Variants in CNTNAP5 observed in about 807,000 individuals in gnomAD.
CNTNAP5 encodes the protein contactin-associated protein-like 5.
A neutral mutation model predicts 150.2 loss-of-function variants in CNTNAP5; 72 were observed. The ratio of observed to expected loss-of-function variants is 0.48; its 90% CI spans 0.40 to 0.58. CNTNAP5 has a LOEUF of 0.58. CNTNAP5 is among the 20% of genes least tolerant of loss of function. CNTNAP5 has a pLI of 0.00. For synonymous variants in CNTNAP5, 672 were observed against 619.8 expected (o/e 1.08, Z -1.25); for missense variants, 1,636 against 1,626.2 (o/e 1.01, Z -0.10).
intron 8 of CNTNAP5, among the ~76,000 whole-genome samples, chr2:124,515,873 T>C (rs1042062232): frequency 7.9e-5 from 12 of 152,176 alleles, no homozygotes; most frequent in African/African-American, 2.9e-4. Flanking sequence ...GAGTAGATTG[T>C]CCAACTAAGC....
chr2:124,767,894 G>T (rs191960592), intron 16 of CNTNAP5, among the ~76,000 whole-genome samples: 3 of 152,316 alleles, frequency 2.0e-5, no homozygotes, highest in Non-Finnish European at 4.4e-5. Flanking sequence ...TCATGGTGGA[G>T]CTGCATCCCA....
intron 13 of CNTNAP5, among the ~76,000 whole-genome samples, chr2:124,708,696 T>C (rs990717989): frequency 4.6e-5 from 7 of 152,176 alleles, no homozygotes; most frequent in Non-Finnish European, 1.0e-4. Flanking sequence ...TCCTTGCTAC[T>C]ACCTTTATCC....
At chr2:124,066,171 G>C (rs951179967) in intron 1 of CNTNAP5, among the ~76,000 whole-genome samples, 2 of 151,666 alleles carry the variant, frequency 1.3e-5, no homozygotes, top group Non-Finnish European at 2.9e-5. Context: ...TGGGTAGGGT[G>C]CCACCTGAGA....
At chr2:124,116,742 G>C (rs1167590458) in intron 1 of CNTNAP5, among the ~76,000 whole-genome samples, 1 of 152,162 alleles carries the variant, frequency 6.6e-6, no homozygotes, top group Non-Finnish European at 1.5e-5. Context: ...CAGAACTTCT[G>C]TTAAGATTGC....
chr2:124,868,823 C>T (rs1164813670), intron 20 of CNTNAP5, among the ~76,000 whole-genome samples: 1 of 152,092 alleles, frequency 6.6e-6, no homozygotes, highest in African/African-American at 2.4e-5. Flanking sequence ...ATCTTAGTCT[C>T]CTCTTCTTAC....
intron 3 of CNTNAP5, among the ~76,000 whole-genome samples, chr2:124,396,586 A>C (rs1476591945): frequency 6.6e-6 from 1 of 152,176 alleles, no homozygotes; most frequent in African/African-American, 2.4e-5. Context: ...CAATTTATCA[A>C]ATCAAAAATA....
intron 3 of CNTNAP5, among the ~76,000 whole-genome samples, chr2:124,276,681 T>C (rs529888615): frequency 9.2e-5 from 14 of 152,282 alleles, no homozygotes; most frequent in South Asian, 2.1e-4. Flanking sequence ...GATTCATCTA[T>C]AAATCCTTTA....
At chr2:124,509,229 A>T (rs763662361) in intron 8 of CNTNAP5, among the ~76,000 whole-genome samples, 1 of 152,232 alleles carries the variant, frequency 6.6e-6, no homozygotes, top group African/African-American at 2.4e-5. Flanking sequence ...TGCATTGAAG[A>T]TCAAGGAGAG....
At chr2:124,651,382 A>C (rs1278095924) in intron 13 of CNTNAP5, among the ~76,000 whole-genome samples, 1 of 152,230 alleles carries the variant, frequency 6.6e-6, no homozygotes, top group African/African-American at 2.4e-5. Flanking sequence ...AATGAAAGAC[A>C]AAGAAATATT....
rs186043405 is a variant in CNTNAP5, at chr2:124,306,908, A to G, written c.381+64515A>G. ...ACGCCTGGCTAATTTTTGTATTTTT[A>G]GTAGAGACGGGGTTTCACCATGTTG... On this transcript the variant is annotated intron_variant, in intron 3 of 23. Coordinates refer to ENST00000682447, the MANE Select transcript of CNTNAP5 (RefSeq NM_001367498.1). Among the ~76,000 whole-genome samples the G allele has an allele frequency of 9.2e-5, 14 of 151,536 alleles. No individual in the cohort carries two copies. The East Asian group carries it at 2.7e-3, about 30-fold the overall frequency.
At chr2:124,785,546 A>C (rs1431831428) in intron 17 of CNTNAP5, among the ~76,000 whole-genome samples, 3 of 152,212 alleles carry the variant, frequency 2.0e-5, no homozygotes, top group Non-Finnish European at 4.4e-5. Context: ...AGTGGAGTGC[A>C]TGGGGATGGA....
intron 3 of CNTNAP5, among the ~76,000 whole-genome samples, chr2:124,274,695 A>C (rs1163901141): frequency 1.3e-5 from 2 of 151,432 alleles, no homozygotes; most frequent in African/African-American, 2.4e-5. Flanking sequence ...ACAAAATAGC[A>C]GAAGTTTTCT....
chr2:124,162,023 T>A (rs1180099886), intron 1 of CNTNAP5, among the ~76,000 whole-genome samples: 1 of 152,154 alleles, frequency 6.6e-6, no homozygotes, highest in Non-Finnish European at 1.5e-5. Flanking sequence ...ACCATATGTG[T>A]GGACATGATT....
chr2:124,458,967 T>C (rs1329932534), intron 6 of CNTNAP5, among the ~76,000 whole-genome samples: 3 of 152,190 alleles, frequency 2.0e-5, no homozygotes, highest in African/African-American at 7.2e-5. Context: ...GATGGCACTA[T>C]AATTAATAAT....
intron 2 of CNTNAP5, among the ~76,000 whole-genome samples, chr2:124,237,012 C>T (rs186009356): frequency 4.5e-4 from 68 of 152,116 alleles, no homozygotes; most frequent in East Asian, 2.3e-3. Flanking sequence ...ATCTGTAATC[C>T]CAGCTTCTCA....
At chr2:124,079,908 A>G (rs758888480) in intron 1 of CNTNAP5, among the ~76,000 whole-genome samples, 2 of 152,210 alleles carry the variant, frequency 1.3e-5, no homozygotes, top group Non-Finnish European at 2.9e-5. Flanking sequence ...CTTCCTATCC[A>G]TAAAACATGG....
intron 11 of CNTNAP5, among the ~76,000 whole-genome samples, chr2:124,576,162 CTAT>C (rs1558960909): frequency 1.3e-5 from 2 of 151,902 alleles, no homozygotes; most frequent in African/African-American, 4.8e-5. Flanking sequence ...ATATCTATAT[CTAT>C]ATCTATATAT....
intron 1 of CNTNAP5, among the ~76,000 whole-genome samples, chr2:124,111,113 G>C (rs1683288165): frequency 6.6e-6 from 1 of 152,132 alleles, no homozygotes. Context: ...CTAAACCCTT[G>C]ATCAGATGCC....
At chr2:124,445,289 G>A (rs1692786214) in intron 5 of CNTNAP5, among the ~76,000 whole-genome samples, 1 of 151,700 alleles carries the variant, frequency 6.6e-6, no homozygotes, top group African/African-American at 2.4e-5. Context: ...GTAGAGATGG[G>A]GTTTCACCAC....
Sources: gnomAD v4.1 joint callset for allele counts (sites outside exome capture counted in the v4.1 genomes callset) on GRCh38, gnomAD v4.1.1 for gene constraint, MANE v1.5 for transcripts, NCBI Gene and HGNC (gene_info 2026-07-23, HGNC 2026-07-21) for gene names.